Variants in NRXN2 observed in about 807,000 individuals in gnomAD.
NRXN2 encodes the protein neurexin 2, also known as neurexin-2-beta.
A neutral mutation model predicts 128.8 loss-of-function variants in NRXN2; 29 were observed. That is an observed-to-expected ratio of 0.23 (90% CI 0.17 to 0.31). The LOEUF is 0.31. Among genes scored for constraint, NRXN2 ranks in the 10% least tolerant of loss-of-function variants. The probability of loss-of-function intolerance (pLI) is 1.00; values close to 1 mark genes in which losing one functional copy is unlikely to be tolerated. For missense variants in NRXN2, 1,881 were observed against 2,452.6 expected (o/e 0.77, Z 4.92); for synonymous variants, 1,098 against 1,075.2 (o/e 1.02, Z -0.41).
chr11:64,678,093 CTGTTTTTGTTTT>C (rs1009667532), intron 6 of NRXN2, among the ~76,000 whole-genome samples: 22 of 152,084 alleles, frequency 1.4e-4, no homozygotes, highest in Admixed American at 1.4e-3. Flanking sequence ...GGCAGCTCCT[CTGTTTTTGTTTT>C]TGTTTTTGTT....
intron 2 of NRXN2, among the ~76,000 whole-genome samples, chr11:64,709,324 G>A (rs540959364): frequency 3.9e-5 from 6 of 152,206 alleles, no homozygotes; most frequent in African/African-American, 1.4e-4. Flanking sequence ...GAGAGCAGGA[G>A]CCAGGCCTGC....
At chr11:64,639,927 CTT>C (rs2045408977) in intron 17 of NRXN2, among the ~76,000 whole-genome samples, 2 of 152,138 alleles carry the variant, frequency 1.3e-5, no homozygotes, top group Non-Finnish European at 2.9e-5. Flanking sequence ...AAGAGCCTGT[CTT>C]TTCACCTCTC....
At chr11:64,696,755 C>T (rs2054607673) in intron 3 of NRXN2, among the ~76,000 whole-genome samples, 1 of 152,164 alleles carries the variant, frequency 6.6e-6, no homozygotes, top group Non-Finnish European at 1.5e-5. Flanking sequence ...CCAGGGACGC[C>T]CTTGCCCTCC....
intron 17 of NRXN2, among the ~76,000 whole-genome samples, chr11:64,645,505 C>T (rs2046514094): frequency 6.6e-6 from 1 of 152,078 alleles, no homozygotes; most frequent in African/African-American, 2.4e-5. Flanking sequence ...GTAAGCAGGC[C>T]TGATGGGAAC....
At chr11:64,618,674 A>C (rs1352739522) in intron 22 of NRXN2, among the ~76,000 whole-genome samples, 1 of 152,194 alleles carries the variant, frequency 6.6e-6, no homozygotes, top group Non-Finnish European at 1.5e-5. Flanking sequence ...TGGAGTGTAC[A>C]TCCTTGAGCC....
rs945007843 is a variant in NRXN2, at chr11:64,607,522, C to G, written c.4813G>C (p.Gly1605Arg). 1 of 1,584,400 alleles carries G rather than the reference C, an allele frequency of 6.3e-7. No homozygotes were observed. Among genetic ancestry groups the G allele is most frequent in the Non-Finnish European group, 8.6e-7 (1 of 1,168,412 alleles). ...TTGGCTGTGGGCAGATGGGGGAAGC[C>G]GGGGGCTGAGGTCACGCCGGGGCGC... is the stretch of plus-strand genomic sequence containing the variant. ...PLRPGVTSAP[G>R]FPHLPTANPT... is the part of the protein sequence containing the mutation. The change falls in exon 23 of 23, where the codon GGC becomes CGC. Residue 1605 changes from glycine to arginine, a missense_variant. Coordinates refer to ENST00000265459, the MANE Select transcript of NRXN2 (RefSeq NM_015080.4).
chr11:64,636,920 C>T (rs2135395796), intron 17 of NRXN2, among the ~76,000 whole-genome samples: 1 of 152,232 alleles, frequency 6.6e-6, no homozygotes, highest in African/African-American at 2.4e-5. Flanking sequence ...TCCCAGGGAG[C>T]TCCTAGGACC....
chr11:64,690,407 TTTG>T lies in NRXN2; in HGVS notation c.845_847del (p.Thr282del), dbSNP rs1238506418. The T allele has an allele frequency of 6.2e-7, 1 of 1,612,594 alleles. No individual in the cohort carries two copies. On this transcript the variant is annotated inframe_deletion, in exon 5 of 23. Coordinates refer to ENST00000265459, the MANE Select transcript of NRXN2 (RefSeq NM_015080.4). The stretch of plus-strand genomic sequence containing the variant: ...TGGGGACCATGGGGGTCACTGACCT[TTTG>T]TTGGCTGGTGCACATCGCCGGCTCC...
intron 4 of NRXN2, among the ~76,000 whole-genome samples, chr11:64,690,753 C>T (rs1235030602): frequency 6.6e-6 from 1 of 152,126 alleles, no homozygotes; most frequent in African/African-American, 2.4e-5. Flanking sequence ...ACAGAGGCCT[C>T]ACCATGAGTG....
chr11:64,692,661 C>A (rs761111014), intron 4 of NRXN2, among the ~76,000 whole-genome samples, 186 bp downstream of exon 4: 1 of 150,558 alleles, frequency 6.6e-6, no homozygotes, highest in African/African-American at 2.5e-5. Context: ...CAAGCCCCCA[C>A]CCCCACCCCA....
At chr11:64,624,695 T>C (rs1206425699) in intron 20 of NRXN2, among the ~76,000 whole-genome samples, 1 of 152,236 alleles carries the variant, frequency 6.6e-6, no homozygotes, top group African/African-American at 2.4e-5. Context: ...AATGCACATA[T>C]GCATCTCCAA....
chr11:64,611,411 T>C (rs2040619957), intron 22 of NRXN2, among the ~76,000 whole-genome samples: 1 of 152,184 alleles, frequency 6.6e-6, no homozygotes, highest in Admixed American at 6.5e-5. Flanking sequence ...GCGTCAAGGC[T>C]TGGCCTAAGC....
At chr11:64,704,623 C>CACAGAGGGAGAGAGAGAG (rs1336665936) in intron 2 of NRXN2, among the ~76,000 whole-genome samples, 13 of 81,178 alleles carry the variant, frequency 1.6e-4, no homozygotes, top group African/African-American at 6.1e-4. Flanking sequence ...CACACACACA[C>CACAGAGGGAGAGAGAGAG]AGAGAGAGAG....
At chr11:64,647,447 T>G (rs1379567491) in intron 17 of NRXN2, among the ~76,000 whole-genome samples, 1 of 152,060 alleles carries the variant, frequency 6.6e-6, no homozygotes, top group Non-Finnish European at 1.5e-5. Flanking sequence ...TCAGCTGCCC[T>G]CCCTCTGCAG....
intron 17 of NRXN2, chr11:64,642,795 G>T (rs2045934047): frequency 2.6e-6 from 3 of 1,152,878 alleles, no homozygotes; most frequent in African/African-American, 1.6e-5. Flanking sequence ...CGCTCCCCCC[G>T]GGGGGCATTT....
At chr11:64,715,448 G>A (rs902198198) in intron 1 of NRXN2, among the ~76,000 whole-genome samples, 3 of 152,176 alleles carry the variant, frequency 2.0e-5, no homozygotes, top group Admixed American at 6.5e-5. Flanking sequence ...GGCTGACTTC[G>A]GGAGGGGAAG....
At chr11:64,627,585 C>G (rs2043256514) in intron 19 of NRXN2, among the ~76,000 whole-genome samples, 1 of 151,924 alleles carries the variant, frequency 6.6e-6, no homozygotes, top group Non-Finnish European at 1.5e-5. Flanking sequence ...CATCTGGATA[C>G]CCACCTGTTC....
chr11:64,632,979 G>A lies in NRXN2; in HGVS notation c.3585+2292C>T, dbSNP rs1198423723. Among the ~76,000 whole-genome samples, 2 of 152,142 alleles carry A rather than the reference G, an allele frequency of 1.3e-5. No homozygotes were observed. The highest frequency in any genetic ancestry group is 2.9e-5 in the Non-Finnish European group (2 of 67,998). The stretch of plus-strand genomic sequence containing the variant: ...GCTGATGTGTCACCAGGGGAGGAAG[G>A]GGTTTGGGGGCTGCCCCCAGGGGGC... On this transcript the variant is annotated intron_variant, in intron 18 of 22. Transcript: ENST00000265459. The surrounding 1 kb of genome is among the most constrained non-coding windows in gnomAD (Gnocchi z 4.2).
intron 6 of NRXN2, among the ~76,000 whole-genome samples, chr11:64,681,951 A>T (rs1435084227): frequency 6.6e-6 from 1 of 150,710 alleles, no homozygotes; most frequent in Non-Finnish European, 1.5e-5. Flanking sequence ...CTCCATCCTT[A>T]GGGGAATGCG....
Sources: allele counts gnomAD v4.1 joint callset (sites outside exome capture counted in the v4.1 genomes callset), GRCh38; gene constraint gnomAD v4.1.1; non-coding constraint Gnocchi (gnomAD v3.1); transcripts MANE v1.5; gene names NCBI Gene and HGNC (gene_info 2026-07-23, HGNC 2026-07-21).